Variants in SLC18A1 observed in about 807,000 individuals in gnomAD.
SLC18A1 encodes solute carrier family 18 member A1.
A neutral mutation model predicts 53.7 loss-of-function variants in SLC18A1; 69 were observed. That is an observed-to-expected ratio of 1.28 (90% CI 1.06 to 1.57). The LOEUF (loss-of-function observed/expected upper bound fraction) is 1.57. SLC18A1 is among the 40% of genes most tolerant of loss of function. SLC18A1 has a pLI of 0.00. For synonymous variants in SLC18A1, 320 were observed against 248.1 expected (o/e 1.29, Z -2.72); for missense variants, 932 against 668.1 (o/e 1.40, Z -4.35).
chr8:20,168,855 A>G (rs2072039645), intron 8 of SLC18A1, among the ~76,000 whole-genome samples: 1 of 152,208 alleles, frequency 6.6e-6, no homozygotes, highest in East Asian at 1.9e-4. Flanking sequence ...CAAAGTGCCA[A>G]CTGATGATTT....
chr8:20,161,700 C>A lies in SLC18A1; in HGVS notation c.1015+3169G>T, dbSNP rs2071834066. 2.0e-5 allele frequency among the ~76,000 whole-genome samples: 3 copies of A among 152,144 alleles called. No homozygotes were observed. The South Asian group carries it at 6.2e-4, about 31-fold the overall frequency. On this transcript the variant is annotated intron_variant, in intron 10 of 15. Transcript: ENST00000276373. ...GGGAAGAAGAAAGGGGTAACAGGTC[C>A]CACGAAAGTCCAAAGCCCAAAACAG...
At chr8:20,156,257 CAA>C (rs34048931) in intron 10 of SLC18A1, among the ~76,000 whole-genome samples, 42,543 of 132,026 alleles carry the variant, frequency 0.32, 6,872 homozygotes, top group Middle Eastern at 0.42. Context: ...TATCCTAAGT[CAA>C]AAAAAAAAAA....
intron 6 of SLC18A1, among the ~76,000 whole-genome samples, chr8:20,172,071 T>G (rs2072136528): frequency 6.6e-6 from 1 of 152,306 alleles, no homozygotes; most frequent in South Asian, 2.1e-4. Context: ...GTGAGAAACA[T>G]CACCTGCTCT....
chr8:20,149,809 T>C (rs1335159221), intron 11 of SLC18A1, 82 bp from the exon 12 acceptor site: 18 of 1,337,894 alleles, frequency 1.3e-5, no homozygotes, highest in Non-Finnish European at 1.9e-5. Flanking sequence ...TGCTGACCTG[T>C]CCCACCAGCC....
rs571526741 is a variant in SLC18A1, at chr8:20,156,964, G to T, written c.1016-6220C>A. Among the ~76,000 whole-genome samples, 4 of 152,288 alleles carry T rather than the reference G, an allele frequency of 2.6e-5. No homozygotes were observed. The East Asian group carries it at 7.8e-4, about 30-fold the overall frequency. ...TCGCAAAGGCAATGTTGGGCACGCT[G>T]GTAATGGACCACCATAATCCAGCAG... On this transcript the variant is annotated intron_variant, in intron 10 of 15. Transcript: ENST00000276373.
At chr8:20,166,333 A>ATG (rs1295324127) in intron 8 of SLC18A1, among the ~76,000 whole-genome samples, 2 of 57,336 alleles carry the variant, frequency 3.5e-5, no homozygotes, top group Non-Finnish European at 6.5e-5. Flanking sequence ...ATATATATAC[A>ATG]CCACCAGGTG....
chr8:20,152,719 T>C (rs938172698), intron 10 of SLC18A1, among the ~76,000 whole-genome samples: 4 of 152,126 alleles, frequency 2.6e-5, no homozygotes, highest in African/African-American at 9.7e-5. Flanking sequence ...AAAGAACAAA[T>C]AAAGAATAGA....
intron 3 of SLC18A1, 54 bp downstream of exon 3, chr8:20,179,067 T>C (rs1464179870): frequency 2.6e-6 from 4 of 1,537,152 alleles, no homozygotes; most frequent in Non-Finnish European, 3.5e-6. Context: ...TTCTATACTT[T>C]TCTAGTCCTC....
rs201705778 is a variant in SLC18A1 at position 20,168,367 on chromosome 8, CA to C, written c.858+2735del. Among the ~76,000 whole-genome samples, 170 of 149,178 alleles carry C rather than the reference CA, an allele frequency of 1.1e-3. 2 individuals carry two copies. The highest frequency in any genetic ancestry group is 3.9e-3 in the African/African-American group (159 of 40,626). ...CAGTCACAGAAAGAGGCCCTGTCTCCAAAAAAAAATTAAACAAGTAAATAGA... is the reference window on the plus strand; with the variant it reads ...CAGTCACAGAAAGAGGCCCTGTCTCCAAAAAAAATTAAACAAGTAAATAGA... On this transcript the variant is annotated intron_variant, in intron 8 of 15. Transcript: ENST00000276373.
intron 10 of SLC18A1, among the ~76,000 whole-genome samples, chr8:20,159,438 A>C (rs1179477310): frequency 6.6e-6 from 1 of 152,088 alleles, no homozygotes; most frequent in African/African-American, 2.4e-5. Flanking sequence ...TAGTAAAGAG[A>C]GCTCACTAAA....
At chr8:20,151,531 G>C (rs1406770985) in intron 10 of SLC18A1, among the ~76,000 whole-genome samples, 1 of 152,088 alleles carries the variant, frequency 6.6e-6, no homozygotes, top group Non-Finnish European at 1.5e-5. Context: ...ACCTTTCTGA[G>C]CCTTGGTTTC....
At chr8:20,163,128 A>T (rs2071870967) in intron 10 of SLC18A1, among the ~76,000 whole-genome samples, 1 of 152,150 alleles carries the variant, frequency 6.6e-6, no homozygotes, top group South Asian at 2.1e-4. Context: ...CCACCTGGGG[A>T]GTGCCTGGTT....
intron 10 of SLC18A1, among the ~76,000 whole-genome samples, chr8:20,162,962 C>A (rs2071865973): frequency 6.6e-6 from 1 of 152,160 alleles, no homozygotes; most frequent in Non-Finnish European, 1.5e-5. Flanking sequence ...TAGCAGCAGC[C>A]CGGTTTCTCA....
chr8:20,154,932 C>T (rs962902160), intron 10 of SLC18A1, among the ~76,000 whole-genome samples: 2 of 152,178 alleles, frequency 1.3e-5, no homozygotes, highest in Non-Finnish European at 2.9e-5. Flanking sequence ...TCCAGCAAGG[C>T]ACCCATTGCC....
At chr8:20,170,251 CAT>C (rs542092480) in intron 8 of SLC18A1, among the ~76,000 whole-genome samples, 57 of 152,288 alleles carry the variant, frequency 3.7e-4, no homozygotes, top group Middle Eastern at 3.4e-3. Context: ...TTGATTATGT[CAT>C]AGTTTCAAAT....
chr8:20,162,170 G>T (rs1463613360), intron 10 of SLC18A1, among the ~76,000 whole-genome samples: 5 of 152,144 alleles, frequency 3.3e-5, no homozygotes, highest in African/African-American at 9.7e-5. Context: ...GGTGGTCCTG[G>T]GCAGTGAGCC....
chr8:20,148,910 C>T (rs994049829), intron 12 of SLC18A1, among the ~76,000 whole-genome samples: 1 of 152,144 alleles, frequency 6.6e-6, no homozygotes, highest in Non-Finnish European at 1.5e-5. Flanking sequence ...CCTGTGGACA[C>T]CATCAGAACC....
chr8:20,175,115 A>C (rs1230106104), intron 4 of SLC18A1, among the ~76,000 whole-genome samples: 1 of 152,222 alleles, frequency 6.6e-6, no homozygotes, highest in African/African-American at 2.4e-5. Flanking sequence ...CACCCAGGAA[A>C]CTGAGATCCA....
At chr8:20,150,645 C>T (rs764568421) in intron 11 of SLC18A1, 21 bp downstream of exon 11, 4 of 1,607,890 alleles carry the variant, frequency 2.5e-6, no homozygotes, top group Non-Finnish European at 3.4e-6. Context: ...ACTGTTCGTC[C>T]CAGATCCCGA....
Sources: gnomAD v4.1 joint callset for allele counts (sites outside exome capture counted in the v4.1 genomes callset) on GRCh38, gnomAD v4.1.1 for gene constraint, MANE v1.5 for transcripts, NCBI Gene and HGNC (gene_info 2026-07-23, HGNC 2026-07-21) for gene names.